Variants in CNTLN observed in about 807,000 individuals in gnomAD.
CNTLN encodes centlein, also known as centlein, centrosomal protein.
A neutral mutation model predicts 180.0 loss-of-function variants in CNTLN; 212 were observed. The ratio of observed to expected loss-of-function variants is 1.18; its 90% CI spans 1.05 to 1.32. CNTLN has a LOEUF of 1.32. Among genes scored for constraint, CNTLN ranks in the 40% most tolerant of loss-of-function variants. The pLI is 0.00. For missense variants in CNTLN, 2,095 were observed against 1,610.9 expected, an observed-to-expected ratio of 1.30 and a Z score of -5.14; for synonymous variants, 722 against 563.1, an observed-to-expected ratio of 1.28 and a Z score of -3.99.
At chr9:17,155,080 G>C (rs904875874) in intron 2 of CNTLN, among the ~76,000 whole-genome samples, 2 of 152,142 alleles carry the variant, frequency 1.3e-5, no homozygotes, top group Admixed American at 6.5e-5. Flanking sequence ...TCACTGCAAA[G>C]GTCTGCGGCT....
chr9:17,510,663 T>A, the CNTLN span, among the ~76,000 whole-genome samples: 1 of 152,226 alleles, frequency 6.6e-6, no homozygotes, highest in African/African-American at 2.4e-5. Context: ...ATTGGCTCTT[T>A]CTGGGTCTCC....
chr9:17,169,572 T>C (rs1820296488), intron 2 of CNTLN, among the ~76,000 whole-genome samples: 1 of 152,216 alleles, frequency 6.6e-6, no homozygotes, highest in Admixed American at 6.5e-5. Context: ...GAGTTGATTT[T>C]TGTGTATGGC....
intron 12 of CNTLN, among the ~76,000 whole-genome samples, chr9:17,364,907 G>T (rs1823683764): frequency 6.6e-6 from 1 of 152,152 alleles, no homozygotes; most frequent in Non-Finnish European, 1.5e-5. Flanking sequence ...ATATCATGTG[G>T]TTGACTCTGT....
At chr9:17,463,034 T>A in intron 20 of CNTLN, 21 bp downstream of exon 20, 1 of 1,480,908 alleles carries the variant, frequency 6.8e-7, no homozygotes, top group African/African-American at 1.4e-5. Context: ...TGTATTTCTA[T>A]CCATTGTATT....
intron 10 of CNTLN, among the ~76,000 whole-genome samples, chr9:17,338,605 C>T (rs772904832): frequency 2.0e-5 from 3 of 151,872 alleles, no homozygotes; most frequent in Non-Finnish European, 4.4e-5. Flanking sequence ...AAGGTACCAA[C>T]ATTATTAATT....
At chr9:17,291,075 C>G (rs1453066754) in intron 6 of CNTLN, among the ~76,000 whole-genome samples, 1 of 152,174 alleles carries the variant, frequency 6.6e-6, no homozygotes, top group East Asian at 1.9e-4. Context: ...AGGAGTCATT[C>G]AGGAGCAGGT....
intron 24 of CNTLN, among the ~76,000 whole-genome samples, chr9:17,486,208 T>C (rs977910172): frequency 2.6e-5 from 4 of 152,186 alleles, no homozygotes; most frequent in African/African-American, 9.6e-5. Flanking sequence ...TTTATGTTCT[T>C]TACACTATAT....
At chr9:17,312,364 T>TATATATAATATA (rs369729227) in intron 8 of CNTLN, among the ~76,000 whole-genome samples, 1 of 20,184 alleles carries the variant, frequency 5.0e-5, no homozygotes, top group African/African-American at 1.1e-4. Flanking sequence ...TATATATATA[T>TATATATAATATA]TATATATATA....
intron 2 of CNTLN, among the ~76,000 whole-genome samples, chr9:17,190,410 T>C (rs1248119600): frequency 1.3e-5 from 2 of 152,090 alleles, no homozygotes; most frequent in East Asian, 1.9e-4. Context: ...TGTGAACAGA[T>C]AGTAAATGAC....
chr9:17,526,501 T>C, the CNTLN span, among the ~76,000 whole-genome samples: 1 of 152,170 alleles, frequency 6.6e-6, no homozygotes, highest in Non-Finnish European at 1.5e-5. Context: ...AAAAGGAACA[T>C]CTCATGCTAA....
chr9:17,526,247 T>A, the CNTLN span, among the ~76,000 whole-genome samples: 4 of 152,180 alleles, frequency 2.6e-5, no homozygotes, highest in Non-Finnish European at 4.4e-5. Context: ...GACATTTTTG[T>A]ATACATCATT....
At chr9:17,511,940 ACTT>A in the CNTLN span, among the ~76,000 whole-genome samples, 30 of 152,192 alleles carry the variant, frequency 2.0e-4, no homozygotes, top group East Asian at 5.8e-3. Flanking sequence ...AATTACAACT[ACTT>A]CTTGGTACCA....
At chr9:17,330,928 A>C (rs1820602192) in intron 9 of CNTLN, 120 bp downstream of exon 9, 1 of 870,280 alleles carries the variant, frequency 1.1e-6, no homozygotes, top group African/African-American at 1.7e-5. Context: ...ACTTTTGAAA[A>C]ATATTATGTA....
At chr9:17,485,968 G>C (rs560569424) in intron 24 of CNTLN, among the ~76,000 whole-genome samples, 2 of 152,164 alleles carry the variant, frequency 1.3e-5, no homozygotes, top group East Asian at 3.9e-4. Context: ...TCTGCCTCTG[G>C]GCAGGTGGAA....
intron 12 of CNTLN, among the ~76,000 whole-genome samples, chr9:17,357,687 A>T (rs1273066082): frequency 6.7e-6 from 1 of 149,942 alleles, no homozygotes; most frequent in South Asian, 2.1e-4. Context: ...TGTTATAATC[A>T]TTTGATTTTT....
In CNTLN at chr9:17,502,805, G is replaced by A. The variant is rs1833823449; in HGVS notation, c.*153G>A. The A allele has an allele frequency of 7.6e-6, 3 of 395,148 alleles. No individual in the cohort carries two copies. The highest frequency in any genetic ancestry group is 1.0e-4 in the South Asian group (2 of 19,208). 24.5% of individuals were successfully genotyped at this position (395,148 alleles called of 1,614,324 possible). On this transcript the variant is annotated 3_prime_UTR_variant, in exon 26 of 26. Transcript: ENST00000380647. The stretch of plus-strand genomic sequence containing the variant: ...AAGTCTCTGAAAATAATTAATTGCT[G>A]AACAAGTGAAACTAATTAAGTACAT...
Position 17,330,680 on chromosome 9 carries a change from C to T in CNTLN, c.1390C>T (p.Gln464Ter). The change falls in exon 9 of 26, where the codon CAG (glutamine) becomes TAG (stop). Residue 464 changes from glutamine (Q) to a stop codon, truncating the protein, a stop_gained. Coordinates refer to ENST00000380647, the MANE Select transcript of CNTLN (RefSeq NM_017738.4). LOFTEE classifies it high-confidence loss of function. ...AAGCTTAGAAACGTTAATGGTTTCA[C>T]AGAAGTCTGAAATTGAGTATTTACA... ...LSSLETLMVS[Q>*]KSEIEYLQEK... The T allele has an allele frequency of 1.2e-6, 2 of 1,610,730 alleles. No individual in the cohort carries two copies. The highest frequency in any genetic ancestry group is 8.5e-7 in the Non-Finnish European group (1 of 1,178,066).
At chr9:17,443,040 T>A (rs2134057160) in intron 18 of CNTLN, among the ~76,000 whole-genome samples, 1 of 151,904 alleles carries the variant, frequency 6.6e-6, no homozygotes, top group East Asian at 1.9e-4. Flanking sequence ...AAAAGGTGTC[T>A]ACCAAAAACC....
At chr9:17,398,924 C>T (rs1285036420) in intron 15 of CNTLN, among the ~76,000 whole-genome samples, 1 of 152,180 alleles carries the variant, frequency 6.6e-6, no homozygotes, top group Non-Finnish European at 1.5e-5. Flanking sequence ...TCCTTCTTCC[C>T]TCTCTGCCAA....
Sources: gnomAD v4.1 joint callset for allele counts (sites outside exome capture counted in the v4.1 genomes callset) on GRCh38, gnomAD v4.1.1 for gene constraint, MANE v1.5 for transcripts, NCBI Gene and HGNC (gene_info 2026-07-23, HGNC 2026-07-21) for gene names.